The following MIS18A variants were observed in gnomAD, a reference collection of about 807,000 sequenced individuals.
MIS18A encodes protein Mis18-alpha.
A neutral mutation model predicts 25.0 loss-of-function variants in MIS18A; 14 were observed. The ratio of observed to expected loss-of-function variants is 0.56; its 90% confidence interval spans 0.37 to 0.88. The LOEUF (loss-of-function observed/expected upper bound fraction) is 0.88. MIS18A is among the 40% of genes least tolerant of loss of function. The pLI is 0.00. For synonymous variants in MIS18A, 134 were observed against 118.6 expected, an observed-to-expected ratio of 1.13 and a Z score of -0.84; for missense variants, 292 against 290.8, an observed-to-expected ratio of 1.00 and a Z score of -0.03.
At chr21:32,188,357 C>T in the MIS18A span, among the ~76,000 whole-genome samples, 2 of 152,182 alleles carry the variant, frequency 1.3e-5, no homozygotes, top group Non-Finnish European at 2.9e-5. Context: ...AGCTCATTTC[C>T]CACAGAGTGA....
the MIS18A span, among the ~76,000 whole-genome samples, chr21:32,248,060 T>C: frequency 6.6e-6 from 1 of 152,160 alleles, no homozygotes; most frequent in African/African-American, 2.4e-5. Flanking sequence ...ACCCCCTCCT[T>C]GCTGCTGAGA....
the MIS18A span, among the ~76,000 whole-genome samples, chr21:32,249,035 A>G: frequency 6.6e-6 from 1 of 152,186 alleles, no homozygotes; most frequent in Non-Finnish European, 1.5e-5. Context: ...TGCTTTGGAA[A>G]GGCCCCAAAA....
At chr21:32,215,238 G>A in the MIS18A span, among the ~76,000 whole-genome samples, 1 of 152,194 alleles carries the variant, frequency 6.6e-6, no homozygotes, top group Non-Finnish European at 1.5e-5. Flanking sequence ...CCAGCAGCCA[G>A]CTCAGGCTTG....
chr21:32,243,342 T>C, the MIS18A span, among the ~76,000 whole-genome samples: 1 of 151,324 alleles, frequency 6.6e-6, no homozygotes, highest in Non-Finnish European at 1.5e-5. Flanking sequence ...AAAAAAAGAG[T>C]TGGATCTAGA....
the MIS18A span, among the ~76,000 whole-genome samples, chr21:32,247,569 A>T: frequency 6.6e-6 from 1 of 152,210 alleles, no homozygotes; most frequent in Non-Finnish European, 1.5e-5. Flanking sequence ...GGATCTCCTG[A>T]GGTAACCATA....
the MIS18A span, among the ~76,000 whole-genome samples, chr21:32,239,861 T>G: frequency 1.3e-5 from 2 of 152,234 alleles, no homozygotes; most frequent in African/African-American, 2.4e-5. Context: ...AAGGACATTT[T>G]CCTAAGGAGA....
chr21:32,170,554 A>G, the MIS18A span, among the ~76,000 whole-genome samples: 1 of 152,118 alleles, frequency 6.6e-6, no homozygotes, highest in Non-Finnish European at 1.5e-5. Flanking sequence ...AAAAATAGAA[A>G]GACTGAAGAT....
At chr21:32,180,318 C>T in the MIS18A span, among the ~76,000 whole-genome samples, 1,712 of 152,262 alleles carry the variant, frequency 0.011, 38 homozygotes, top group African/African-American at 0.039. Flanking sequence ...ATCCAAAAAA[C>T]AGGACAGCAG....
the MIS18A span, among the ~76,000 whole-genome samples, chr21:32,173,109 T>G: frequency 4.3e-4 from 66 of 152,226 alleles, no homozygotes; most frequent in East Asian, 1.9e-3. Context: ...TAAATCATAC[T>G]TCATCAAAAT....
the MIS18A span, among the ~76,000 whole-genome samples, chr21:32,203,613 CTTTTTTTTT>C: frequency 5.9e-5 from 5 of 85,388 alleles, no homozygotes; most frequent in Non-Finnish European, 1.1e-4. Context: ...TTTTTAAATG[CTTTTTTTTT>C]TTTTTTTTTT....
At chr21:32,276,884 T>C (rs1284890263) in intron 1 of MIS18A, among the ~76,000 whole-genome samples, 2 of 152,018 alleles carry the variant, frequency 1.3e-5, no homozygotes, top group East Asian at 1.9e-4. Flanking sequence ...TGAGCTATGA[T>C]TGCGCCACTG....
the MIS18A span, among the ~76,000 whole-genome samples, chr21:32,180,013 C>T: frequency 3.9e-4 from 59 of 152,296 alleles, 1 homozygote; most frequent in South Asian, 4.6e-3. Context: ...CACAATAGAG[C>T]GGACACAGCC....
At chr21:32,181,102 G>A in the MIS18A span, among the ~76,000 whole-genome samples, 4 of 152,092 alleles carry the variant, frequency 2.6e-5, no homozygotes, top group African/African-American at 9.7e-5. Context: ...GTGTGAGTAG[G>A]CATCATTCAA....
At chr21:32,197,909 C>T in the MIS18A span, 2 of 152,216 alleles carry the variant, frequency 1.3e-5, no homozygotes, top group African/African-American at 4.8e-5. Flanking sequence ...TTTTATTTGG[C>T]TTTTATTCTA....
At chr21:32,177,188 TAATA>T in the MIS18A span, among the ~76,000 whole-genome samples, 1 of 152,162 alleles carries the variant, frequency 6.6e-6, no homozygotes, top group African/African-American at 2.4e-5. Flanking sequence ...CATATTAACA[TAATA>T]AATAAGTTAA....
chr21:32,185,260 ACTC>A, the MIS18A span, among the ~76,000 whole-genome samples: 1 of 149,890 alleles, frequency 6.7e-6, no homozygotes, highest in African/African-American at 2.5e-5. Flanking sequence ...CCCCTCACTC[ACTC>A]CTCCCCAGGA....
chr21:32,182,624 A>C, the MIS18A span, among the ~76,000 whole-genome samples: 1 of 152,138 alleles, frequency 6.6e-6, no homozygotes, highest in Non-Finnish European at 1.5e-5. Flanking sequence ...CCACAGCTGG[A>C]GCTACTAAAG....
At chr21:32,204,866 G>A in the MIS18A span, among the ~76,000 whole-genome samples, 1 of 152,136 alleles carries the variant, frequency 6.6e-6, no homozygotes, top group African/African-American at 2.4e-5. Flanking sequence ...TAGCCTGGGC[G>A]ACAGAGCAAG....
chr21:32,267,539 T>C (rs919187888), downstream of MIS18A, among the ~76,000 whole-genome samples: 1 of 152,210 alleles, frequency 6.6e-6, no homozygotes, highest in Admixed American at 6.5e-5. Context: ...CTACAAATAT[T>C]GTACAGCCCC....
Sources: allele counts gnomAD v4.1 joint callset (sites outside exome capture counted in the v4.1 genomes callset), GRCh38; gene constraint gnomAD v4.1.1; transcripts MANE v1.5; gene names NCBI Gene and HGNC (gene_info 2026-07-23, HGNC 2026-07-21).